Variants in B4GALT1 observed in about 807,000 individuals in gnomAD.
B4GALT1 encodes the protein N-acetyllactosamine synthase.
A neutral mutation model predicts 34.9 loss-of-function variants in B4GALT1; 16 were observed. The observed-to-expected ratio is 0.46, with a 90% CI of 0.31 to 0.70. The LOEUF is 0.70. Ranked by LOEUF, B4GALT1 falls within the 30% of genes least tolerant of loss-of-function variation. The pLI is 0.05. For missense variants in B4GALT1, 445 were observed against 530.5 expected, an observed-to-expected ratio of 0.84 and a Z score of 1.58; for synonymous variants, 221 against 218.1, an observed-to-expected ratio of 1.01 and a Z score of -0.12.
intron 1 of B4GALT1, among the ~76,000 whole-genome samples, chr9:33,159,813 T>G (rs1289553901): frequency 6.6e-6 from 1 of 152,266 alleles, no homozygotes; most frequent in East Asian, 1.9e-4. Context: ...TTTAGCTAGC[T>G]GTTGTTCACC....
rs1840247743 is a variant in B4GALT1, at chr9:33,135,152, C to A, written c.648+37G>T. ...CACATCTGATACACATCTGCATGCACACACACCCTCTCTCATTCCACCTTC... is the reference window on the plus strand; with the variant it reads ...CACATCTGATACACATCTGCATGCAAACACACCCTCTCTCATTCCACCTTC... On this transcript the variant is annotated intron_variant, in intron 2 of 5. Transcript: ENST00000379731. 1.9e-6 allele frequency: 3 copies of A among 1,576,674 alleles called. No individual in the cohort carries two copies. The Admixed American group carries it at 5.0e-5, about 26-fold the overall frequency.
chr9:33,128,514 C>G (rs2118112665), intron 2 of B4GALT1, among the ~76,000 whole-genome samples: 1 of 152,272 alleles, frequency 6.6e-6, no homozygotes, highest in Non-Finnish European at 1.5e-5. Context: ...CTAGGTGGGG[C>G]ACACAGCAAA....
intron 2 of B4GALT1, among the ~76,000 whole-genome samples, chr9:33,121,888 A>T (rs1266761706): frequency 6.6e-6 from 1 of 152,082 alleles, no homozygotes; most frequent in Non-Finnish European, 1.5e-5. Flanking sequence ...CAGGGATCAC[A>T]TTGTGGGGTA....
chr9:33,130,313 A>C (rs1840175109), intron 2 of B4GALT1, among the ~76,000 whole-genome samples: 1 of 152,056 alleles, frequency 6.6e-6, no homozygotes, highest in Non-Finnish European at 1.5e-5. Context: ...GAGTATTAGG[A>C]AATGCAGCAT....
At chr9:33,170,637 C>G (rs1021275523), upstream of B4GALT1, among the ~76,000 whole-genome samples, 3 of 152,228 alleles carry the variant, frequency 2.0e-5, no homozygotes, top group Non-Finnish European at 2.9e-5. Context: ...TTGCCTATCC[C>G]TCAGGAACTT....
At chr9:33,124,628 T>A (rs1840067105) in intron 2 of B4GALT1, among the ~76,000 whole-genome samples, 1 of 152,110 alleles carries the variant, frequency 6.6e-6, no homozygotes, top group African/African-American at 2.4e-5. Flanking sequence ...AGAGACCCCA[T>A]CTCAAAAATG....
chr9:33,108,447 TAAAAAAA>T (rs60251768), downstream of B4GALT1, among the ~76,000 whole-genome samples: 1 of 142,226 alleles, frequency 7.0e-6, no homozygotes, highest in Non-Finnish European at 1.5e-5. Context: ...ACTCTGTCTC[TAAAAAAA>T]AAAAAAAAAA....
chr9:33,133,576 T>G (rs952395897), intron 2 of B4GALT1, among the ~76,000 whole-genome samples: 5 of 152,228 alleles, frequency 3.3e-5, no homozygotes, highest in African/African-American at 1.2e-4. Context: ...GTGACCCGCA[T>G]TTTGCAGGAC....
intron 2 of B4GALT1, among the ~76,000 whole-genome samples, chr9:33,124,936 G>T (rs745457837): frequency 6.6e-6 from 1 of 152,196 alleles, no homozygotes; most frequent in Admixed American, 6.5e-5. Context: ...AGGAAGTCAC[G>T]CTTGGTGAAG....
intron 1 of B4GALT1, among the ~76,000 whole-genome samples, chr9:33,166,387 C>T (rs1359273420): frequency 1.3e-5 from 2 of 152,146 alleles, no homozygotes; most frequent in Non-Finnish European, 2.9e-5. Context: ...GTGGATTACT[C>T]GAGGTCCCTA....
chr9:33,152,412 C>A (rs1840533311), intron 1 of B4GALT1, among the ~76,000 whole-genome samples: 1 of 151,222 alleles, frequency 6.6e-6, no homozygotes, highest in Non-Finnish European at 1.5e-5. Context: ...AGAAGAGTGA[C>A]AGATGGAGAG....
intron 1 of B4GALT1, among the ~76,000 whole-genome samples, chr9:33,138,138 G>A (rs911656953): frequency 6.6e-6 from 1 of 152,184 alleles, no homozygotes; most frequent in Non-Finnish European, 1.5e-5. Context: ...TCGCTTCCGC[G>A]GGACAGACAC....
chr9:33,134,513 A>T (rs539500964), intron 2 of B4GALT1, among the ~76,000 whole-genome samples: 1 of 152,384 alleles, frequency 6.6e-6, no homozygotes, highest in East Asian at 1.9e-4. Context: ...TTCAATAAAG[A>T]TGCCTCTTAG....
chr9:33,106,698 A>T (rs1007559522), downstream of B4GALT1, among the ~76,000 whole-genome samples: 5 of 152,198 alleles, frequency 3.3e-5, no homozygotes, highest in East Asian at 9.6e-4. Flanking sequence ...GGAGAGCAGG[A>T]AGGGGTGATC....
intron 1 of B4GALT1, 42 bp from the exon 2 acceptor site, chr9:33,135,466 C>T: frequency 1.3e-6 from 2 of 1,562,496 alleles, no homozygotes; most frequent in South Asian, 2.3e-5. Context: ...GGCCACAGGA[C>T]TCGCCACCGC....
At chr9:33,133,525 A>C (rs1158559597) in intron 2 of B4GALT1, among the ~76,000 whole-genome samples, 1 of 152,216 alleles carries the variant, frequency 6.6e-6, no homozygotes, top group Non-Finnish European at 1.5e-5. Flanking sequence ...AATGTTTCTC[A>C]ATCACAGAGC....
intron 1 of B4GALT1, among the ~76,000 whole-genome samples, chr9:33,148,554 G>A (rs6476402): frequency 0.38 from 58,220 of 152,076 alleles, 11,981 homozygotes; most frequent in East Asian, 0.71. Context: ...CATTACAGAA[G>A]GGAAAAAGAA....
At chr9:33,159,011 T>G (rs1840638659) in intron 1 of B4GALT1, among the ~76,000 whole-genome samples, 1 of 152,184 alleles carries the variant, frequency 6.6e-6, no homozygotes, top group Admixed American at 6.5e-5. Context: ...CCCAGAGTAC[T>G]CCTCTAAATG....
At chr9:33,161,478 CT>C (rs1484980973) in intron 1 of B4GALT1, among the ~76,000 whole-genome samples, 1 of 152,208 alleles carries the variant, frequency 6.6e-6, no homozygotes, top group Non-Finnish European at 1.5e-5. Flanking sequence ...GGTCTCAGGT[CT>C]CTACAATCTT....
Sources: allele counts gnomAD v4.1 joint callset (sites outside exome capture counted in the v4.1 genomes callset), GRCh38; gene constraint gnomAD v4.1.1; transcripts MANE v1.5; gene names NCBI Gene and HGNC (gene_info 2026-07-23, HGNC 2026-07-21).